BMX: variants seen among roughly 807,000 people sequenced by gnomAD.
BMX encodes cytoplasmic tyrosine-protein kinase BMX.
In BMX, 31 loss-of-function variants were observed where a neutral mutation model predicts 59.2. The ratio of observed to expected loss-of-function variants is 0.52; its 90% confidence interval spans 0.39 to 0.71. The LOEUF is 0.71. Among genes scored for constraint, BMX ranks in the 30% least tolerant of loss-of-function variants. BMX has a pLI of 0.00. For missense variants in BMX, 474 were observed against 491.7 expected, an observed-to-expected ratio of 0.96 and a Z score of 0.34; for synonymous variants, 185 against 181.0, an observed-to-expected ratio of 1.02 and a Z score of -0.18.
intron 2 of BMX, among the ~76,000 whole-genome samples, chrX:15,508,739 C>T (rs1923835968): frequency 8.9e-6 from 1 of 111,972 alleles, no homozygotes; most frequent in African/African-American, 3.3e-5. Context: ...CAACTGAGGG[C>T]ATTTTTGCTC....
intron 9 of BMX, among the ~76,000 whole-genome samples, chrX:15,526,841 C>G (rs1222745571): frequency 9.0e-6 from 1 of 110,820 alleles, no homozygotes; most frequent in Non-Finnish European, 1.9e-5. Context: ...CCGCCTCGGC[C>G]TCCCAAAGTG....
intron 4 of BMX, among the ~76,000 whole-genome samples, chrX:15,513,689 T>C (rs1170557887): frequency 8.9e-6 from 1 of 112,128 alleles, no homozygotes; most frequent in Non-Finnish European, 1.9e-5. Context: ...ATTATCATGG[T>C]TCTGAATTCA....
intron 4 of BMX, among the ~76,000 whole-genome samples, chrX:15,515,455 G>T (rs1266412566): frequency 9.0e-6 from 1 of 110,890 alleles, no homozygotes; most frequent in Non-Finnish European, 1.9e-5. Flanking sequence ...AGCATTTATG[G>T]ATGACATTAT....
At chrX:15,542,749 G>A (rs1396482758) in intron 15 of BMX, among the ~76,000 whole-genome samples, 1 of 111,851 alleles carries the variant, frequency 8.9e-6, no homozygotes, top group Non-Finnish European at 1.9e-5. Flanking sequence ...CAAAGCATCT[G>A]TGAATGCACG....
chrX:15,531,317 T>G lies in BMX; in HGVS notation c.940-11T>G. Reference sequence around the variant, plus strand: ...ATTTTCTATTCCTTCTATATTTTCCTTCCTTTTCAGGGAAAAGAAGGAGCA... The same window carrying G: ...ATTTTCTATTCCTTCTATATTTTCCGTCCTTTTCAGGGAAAAGAAGGAGCA... On this transcript the variant is annotated splice_polypyrimidine_tract_variant and intron_variant, in intron 10 of 18. Transcript: ENST00000348343. The G allele has an allele frequency of 8.4e-7, 1 of 1,186,863 alleles. No homozygotes were observed. The highest frequency in any genetic ancestry group is 1.1e-6 in the Non-Finnish European group (1 of 874,800).
intron 11 of BMX, among the ~76,000 whole-genome samples, chrX:15,532,056 A>G (rs1291278478): frequency 1.8e-5 from 2 of 112,092 alleles, no homozygotes; most frequent in African/African-American, 6.5e-5. Flanking sequence ...AGGGGAACAT[A>G]ATGATTGTTA....
At position 15,515,328 on chromosome X, in the gene BMX, A is replaced by G. The variant is rs1213208605; in HGVS notation, c.326-784A>G. Among the ~76,000 whole-genome samples the G allele has an allele frequency of 3.6e-5, 4 of 110,369 alleles. No individual in the cohort carries two copies. The East Asian group carries it at 1.1e-3, about 31-fold the overall frequency. ...GAACTTAAAGTAAAATAAAAATTAA[A>G]AAATTTTAAAAATTAATAATAATAA... is the stretch of plus-strand genomic sequence containing the variant. On this transcript the variant is annotated intron_variant, in intron 4 of 18. Transcript: ENST00000348343.
At chrX:15,543,046 T>G (rs1218111465) in intron 15 of BMX, 25 bp from the exon 16 acceptor site, 1 of 1,191,970 alleles carries the variant, frequency 8.4e-7, no homozygotes, top group Non-Finnish European at 1.1e-6. Context: ...TTTCACTACT[T>G]GGTGATTTTG....
chrX:15,527,381 G>T (rs773397114), intron 9 of BMX, among the ~76,000 whole-genome samples: 7 of 106,102 alleles, frequency 6.6e-5, no homozygotes, highest in Admixed American at 4.0e-4. Context: ...TGGACTTCTG[G>T]GCAAATAAGA....
intron 1 of BMX, among the ~76,000 whole-genome samples, chrX:15,503,244 T>G (rs1346318929): frequency 8.9e-6 from 1 of 112,039 alleles, no homozygotes; most frequent in African/African-American, 3.2e-5. Flanking sequence ...CTTTTGAGGT[T>G]GTATGTTCTT....
At position 15,526,076 on chromosome X, in the gene BMX, G is replaced by A; in HGVS notation, c.865G>A (p.Glu289Lys). The A allele has an allele frequency of 1.7e-6, 2 of 1,207,929 alleles. No individual in the cohort carries two copies. Among genetic ancestry groups the A allele is most frequent in the Non-Finnish European group, 2.2e-6 (2 of 893,242 alleles). The change falls in exon 9 of 19, where the codon GAA becomes AAA. Residue 289 changes from glutamate to lysine, a missense_variant. Glu to Lys is a moderately conservative substitution (Grantham distance 56, BLOSUM62 1). Coordinates refer to ENST00000348343, the MANE Select transcript of BMX (RefSeq NM_203281.3). ...FPESSSSEEE[E>K]NLDDYDWFAG... ...TGAGTCAAGTTCATCTGAAGAAGAG[G>A]AAAACCTGGATGATTATGAGTGAGT... is the stretch of plus-strand genomic sequence containing the variant.
At chrX:15,506,324 A>G (rs16997070) in intron 1 of BMX, among the ~76,000 whole-genome samples, 10,033 of 111,971 alleles carry the variant, frequency 0.09, 1,064 homozygotes, top group African/African-American at 0.3. Context: ...GTCACAAATC[A>G]ATTCAGCATC....
rs769401221 is a variant in BMX at position 15,508,361 on chromosome X, C to T, written c.8C>T (p.Thr3Ile). The T allele has an allele frequency of 8.9e-7, 1 of 1,120,569 alleles. No individual in the cohort carries two copies. The highest frequency in any genetic ancestry group is 1.9e-5 in the African/African-American group (1 of 53,863). The allele number at this position is 1,120,569 out of a possible 1,213,427, so 92.3% of individuals were successfully genotyped here. A position where few individuals can be genotyped will look rare whatever the true frequency, so the allele number is the denominator to read the frequency against. ...TTTGTTTAGGATGATAATATGGATA[C>T]AAAATCTATTCTAGAAGAACTTCTT... MD[T>I]KSILEELLLK... The change falls in exon 2 of 19, where the codon ACA (threonine) becomes ATA (isoleucine). Residue 3 changes from threonine to isoleucine, a missense_variant. Physicochemically the swap from Thr to Ile is moderately conservative, Grantham distance 89. Transcript: ENST00000348343.
chrX:15,509,970 C>A, intron 3 of BMX, among the ~76,000 whole-genome samples: 1 of 111,224 alleles, frequency 9.0e-6, no homozygotes, highest in Non-Finnish European at 1.9e-5. Context: ...TTTAACCCAG[C>A]AAATATGAGA....
intron 10 of BMX, among the ~76,000 whole-genome samples, chrX:15,530,975 C>A (rs1372559060): frequency 1.8e-5 from 2 of 111,569 alleles, no homozygotes; most frequent in African/African-American, 6.5e-5. Flanking sequence ...GAGTATAGAA[C>A]TTTATCAACT....
At chrX:15,553,850 GGA>G (rs1926307169) in intron 18 of BMX, among the ~76,000 whole-genome samples, 8 of 111,426 alleles carry the variant, frequency 7.2e-5, no homozygotes, top group Non-Finnish European at 3.8e-5. Flanking sequence ...ACCATAGGAT[GGA>G]CAGGGGCCCT....
chrX:15,521,386 T>C (rs996507468), intron 6 of BMX, among the ~76,000 whole-genome samples: 8 of 112,440 alleles, frequency 7.1e-5, no homozygotes, highest in Admixed American at 6.6e-4. Flanking sequence ...ATATTTACCG[T>C]CATCATTGTA....
In BMX at chrX:15,509,728, G is replaced by A. The variant is rs752772828; in HGVS notation, c.243+295G>A. On this transcript the variant is annotated intron_variant, in intron 3 of 18. Transcript: ENST00000348343. ...AGTATCTCCGATGTGGTACACAGTA[G>A]TAGGCATACTATGGGGAACAAAACA... Among the ~76,000 whole-genome samples, 13 of 111,042 alleles carry A rather than the reference G, an allele frequency of 1.2e-4. No individual in the cohort carries two copies. The East Asian group carries it at 3.7e-3, about 32-fold the overall frequency.
intron 10 of BMX, among the ~76,000 whole-genome samples, chrX:15,530,939 G>A (rs1925038042): frequency 9.0e-6 from 1 of 111,691 alleles, no homozygotes; most frequent in African/African-American, 3.3e-5. Flanking sequence ...CTTAGAATTA[G>A]CACAAATCAT....
Sources: allele counts gnomAD v4.1 joint callset (sites outside exome capture counted in the v4.1 genomes callset), GRCh38; gene constraint gnomAD v4.1.1; transcripts MANE v1.5; gene names NCBI Gene and HGNC (gene_info 2026-07-23, HGNC 2026-07-21).